ZNF827: variants seen among roughly 807,000 people sequenced by gnomAD.
The protein encoded by ZNF827 is zinc finger protein 827.
ZNF827 carries 13 observed loss-of-function variants against 102.4 expected under a neutral mutation model. The observed-to-expected ratio is 0.13, with a 90% CI of 0.08 to 0.20. The LOEUF (loss-of-function observed/expected upper bound fraction) is 0.20, where lower values mean the gene tolerates loss of function less well. ZNF827 is among the 10% of genes least tolerant of loss of function. ZNF827 has a pLI of 1.00. For synonymous variants in ZNF827, 523 were observed against 536.2 expected (o/e 0.98, Z 0.34); for missense variants, 1,103 against 1,344.4 (o/e 0.82, Z 2.81).
chr4:145,760,734 T>C lies in ZNF827; in HGVS notation c.*882A>G. 2 of 998,474 alleles carry C rather than the reference T, an allele frequency of 2.0e-6. No individual in the cohort carries two copies. The highest frequency in any genetic ancestry group is 2.4e-6 in the Non-Finnish European group (2 of 828,770). 61.9% of individuals were successfully genotyped at this position (998,474 alleles called of 1,614,324 possible). ...TAAGTTTTGTGGTTTTTTTTTTTTT[T>C]TTTGTCTTTTGTCTCTCTGTTTTTG... On this transcript the variant is annotated 3_prime_UTR_variant, in exon 15 of 15. Coordinates refer to ENST00000508784, the MANE Select transcript of ZNF827 (RefSeq NM_001306215.2).
chr4:145,869,730 T>C (rs1748521034), intron 5 of ZNF827, among the ~76,000 whole-genome samples: 1 of 152,210 alleles, frequency 6.6e-6, no homozygotes, highest in African/African-American at 2.4e-5. Context: ...ACAGATTAAT[T>C]ATTGTAATAT....
At position 145,869,495 on chromosome 4, in the gene ZNF827, GTAT is replaced by G. The variant is rs546182933; in HGVS notation, c.1981+747_1981+749del. ...CTAAGGATGGGATATGACTTGACAA[GTAT>G]TATTATTGATATAACCTTTTTTTTC... is the stretch of plus-strand genomic sequence containing the variant. On this transcript the variant is annotated intron_variant, in intron 5 of 14. Transcript: ENST00000508784. 3.3e-3 allele frequency among the ~76,000 whole-genome samples: 508 copies of G among 152,272 alleles called. 2 individuals carry two copies. Among genetic ancestry groups the G allele is most frequent in the Admixed American group, 0.011 (168 of 15,292 alleles).
intron 2 of ZNF827, among the ~76,000 whole-genome samples, chr4:145,898,662 A>G (rs1751167362): frequency 6.6e-6 from 1 of 152,158 alleles, no homozygotes; most frequent in African/African-American, 2.4e-5. Context: ...GGGTCACATG[A>G]AAGAAACCTC....
intron 2 of ZNF827, among the ~76,000 whole-genome samples, chr4:145,897,586 T>C (rs2126869855): frequency 6.6e-6 from 1 of 152,328 alleles, no homozygotes; most frequent in African/African-American, 2.4e-5. Flanking sequence ...ACAGAATTTC[T>C]TTGTTATGTG....
At position 145,761,388 on chromosome 4, in the gene ZNF827, G is replaced by A. The variant is rs564207865; in HGVS notation, c.*228C>T. ...CCCCGGTGTGGACGCGCACGTGCTC[G>A]ATGAGCTTGTTGGCGGTCTTGGACA... On this transcript the variant is annotated 3_prime_UTR_variant, in exon 15 of 15. Coordinates refer to ENST00000508784, the MANE Select transcript of ZNF827 (RefSeq NM_001306215.2). The surrounding 1 kb of genome is among the most constrained non-coding windows in gnomAD (Gnocchi z 6.8). 5.3e-5 allele frequency: 69 copies of A among 1,289,908 alleles called. No individual in the cohort carries two copies. The African/African-American group carries it at 8.5e-4, about 16-fold the overall frequency. 79.9% of individuals were successfully genotyped at this position (1,289,908 alleles called of 1,614,324 possible). A position where few individuals can be genotyped will look rare whatever the true frequency, so the allele number is the denominator to read the frequency against.
At chr4:145,901,987 G>T (rs1286416614) in intron 2 of ZNF827, among the ~76,000 whole-genome samples, 179 bp downstream of exon 2, 2 of 152,218 alleles carry the variant, frequency 1.3e-5, no homozygotes, top group Non-Finnish European at 2.9e-5. Context: ...TGAAGTCTTT[G>T]TGTAATACGT....
Position 145,823,485 on chromosome 4 carries a change from T to C in ZNF827, c.2320A>G (p.Thr774Ala). The change falls in exon 8 of 15, where the codon ACC becomes GCC. Residue 774 changes from threonine (T) to alanine (A), a missense_variant. Coordinates refer to ENST00000508784, the MANE Select transcript of ZNF827 (RefSeq NM_001306215.2). Reference sequence around the variant, plus strand: ...GGCAGCAGTTCTTTTGAATTGGAGGTGAATGGTGATTGTCTAAATGTGTCT... The same window carrying C: ...GGCAGCAGTTCTTTTGAATTGGAGGCGAATGGTGATTGTCTAAATGTGTCT... ...SEDTFRQSPFTSNSKELLPSD... is the reference protein window; with the variant it reads ...SEDTFRQSPFASNSKELLPSD... 6.2e-7 allele frequency: 1 copy of C among 1,609,358 alleles called. No individual in the cohort carries two copies. The highest frequency in any genetic ancestry group is 8.5e-7 in the Non-Finnish European group (1 of 1,179,350).
At chr4:145,822,292 C>G (rs1050654145) in intron 8 of ZNF827, among the ~76,000 whole-genome samples, 1 of 152,172 alleles carries the variant, frequency 6.6e-6, no homozygotes, top group South Asian at 2.1e-4. Flanking sequence ...AGAAATGGAA[C>G]TACCCTTATG....
chr4:145,850,156 C>T (rs1332579716), intron 5 of ZNF827, among the ~76,000 whole-genome samples: 1 of 151,984 alleles, frequency 6.6e-6, no homozygotes. Context: ...ACTACAGGCA[C>T]CTGCCACAAT....
In ZNF827 at chr4:145,759,375, G is replaced by A. The variant is rs923651917; in HGVS notation, c.*2241C>T. The A allele has an allele frequency of 6.6e-6, 1 of 152,072 alleles. No homozygotes were observed. Among genetic ancestry groups the A allele is most frequent in the African/African-American group, 2.4e-5 (1 of 41,414 alleles). 9.4% of individuals were successfully genotyped at this position (152,072 alleles called of 1,614,324 possible). ...CTGCTTCCTGCTGCAATAAAGTGCT[G>A]CACATAAATTGCCATTTTAATGACC... On this transcript the variant is annotated 3_prime_UTR_variant, in exon 15 of 15. Transcript: ENST00000508784.
chr4:145,883,646 C>T (rs568217213), intron 4 of ZNF827, among the ~76,000 whole-genome samples: 1 of 152,322 alleles, frequency 6.6e-6, no homozygotes, highest in African/African-American at 2.4e-5. Context: ...TCCCTGTTCT[C>T]GCTCAACTTC....
intron 11 of ZNF827, among the ~76,000 whole-genome samples, chr4:145,769,712 G>A (rs1735950408): frequency 6.6e-6 from 1 of 152,080 alleles, no homozygotes; most frequent in Admixed American, 6.5e-5. Flanking sequence ...TGACCCAAGT[G>A]GTCATTTACC....
rs953006197 is a variant in ZNF827, at chr4:145,761,664, C to T, written c.*18-66G>A. ...GTTCGGAGGCAGCCGCGCTTCTCGC[C>T]GCCTCACCAGCCTTCCCTCACACCA... On this transcript the variant is annotated intron_variant, in intron 14 of 14. Coordinates refer to ENST00000508784, the MANE Select transcript of ZNF827 (RefSeq NM_001306215.2). This position sits in a 1 kb window ranked among gnomAD's most constrained non-coding sequence, Gnocchi z 6.8. 6.9e-6 allele frequency: 7 copies of T among 1,020,934 alleles called. No homozygotes were observed. The Admixed American group carries it at 8.4e-5, about 12-fold the overall frequency. The allele number at this position is 1,020,934 out of a possible 1,614,324, so 63.2% of individuals were successfully genotyped here.
Position 145,860,310 on chromosome 4 carries a change from G to A in ZNF827, c.1981+9935C>T, listed in dbSNP as rs555624342. Among the ~76,000 whole-genome samples, 5 of 152,220 alleles carry A rather than the reference G, an allele frequency of 3.3e-5. No homozygotes were observed. In the East Asian group the frequency reaches 9.7e-4, roughly 29 times the overall value. On this transcript the variant is annotated intron_variant, in intron 5 of 14. Transcript: ENST00000508784. ...AATGCACCTTTGGAAACACGCATGT[G>A]GACCACAGGGAGCTCTGTAAGGCTG...
chr4:145,800,146 G>A (rs1408868481), intron 8 of ZNF827, among the ~76,000 whole-genome samples: 2 of 152,126 alleles, frequency 1.3e-5, no homozygotes, highest in African/African-American at 4.8e-5. Flanking sequence ...AATAATTCAT[G>A]AGCAAGATTC....
intron 8 of ZNF827, among the ~76,000 whole-genome samples, chr4:145,821,454 T>C (rs937387766): frequency 6.6e-6 from 1 of 152,216 alleles, no homozygotes. Flanking sequence ...TACAAAACTG[T>C]CTTCAGATTA....
At chr4:145,886,198 T>A (rs1040193015) in intron 3 of ZNF827, 40 bp from the exon 4 acceptor site, 3 of 1,542,404 alleles carry the variant, frequency 1.9e-6, no homozygotes, top group Non-Finnish European at 1.7e-6. Context: ...CCACCGTGCA[T>A]TTATGGAAAA....
At chr4:145,845,806 A>G in intron 7 of ZNF827, 150 bp downstream of exon 7, 1 of 717,640 alleles carries the variant, frequency 1.4e-6, no homozygotes, top group Admixed American at 2.7e-5. Flanking sequence ...GTTTCTACCA[A>G]CCAAGAAATT....
chr4:145,897,610 T>C (rs1005121586), intron 2 of ZNF827, among the ~76,000 whole-genome samples: 1 of 152,220 alleles, frequency 6.6e-6, no homozygotes, highest in African/African-American at 2.4e-5. Flanking sequence ...CAAATGCTAT[T>C]TCATGGCAAC....
Sources: gnomAD v4.1 joint callset for allele counts (sites outside exome capture counted in the v4.1 genomes callset) on GRCh38, gnomAD v4.1.1 for gene constraint, Gnocchi (gnomAD v3.1) non-coding constraint, MANE v1.5 for transcripts, NCBI Gene and HGNC (gene_info 2026-07-23, HGNC 2026-07-21) for gene names.